Variants in MYO1B observed in about 807,000 individuals in gnomAD.
The protein encoded by MYO1B is unconventional myosin-Ib.
In MYO1B, 72 loss-of-function variants were observed where a neutral mutation model predicts 159.7. The observed-to-expected ratio is 0.45, with a 90% confidence interval of 0.37 to 0.55. MYO1B has a LOEUF of 0.55. Ranked by LOEUF, MYO1B falls within the 20% of genes least tolerant of loss-of-function variation. The pLI is 0.00. For synonymous variants in MYO1B, 468 were observed against 473.8 expected (o/e 0.99, Z 0.16); for missense variants, 1,062 against 1,364.8 (o/e 0.78, Z 3.50).
chr2:191,370,263 C>A lies in MYO1B; in HGVS notation c.1156C>A (p.Leu386Met), dbSNP rs371984172. The A allele has an allele frequency of 1.2e-5, 20 of 1,613,244 alleles. No homozygotes were observed. Among genetic ancestry groups the A allele is most frequent in the Non-Finnish European group, 1.7e-5 (20 of 1,179,618 alleles). Residue 386 changes from leucine to methionine, a missense_variant, in exon 13 of 31, where the codon CTG becomes ATG. Coordinates refer to ENST00000392318, the MANE Select transcript of MYO1B (RefSeq NM_001130158.3). ...TKVRKKVMGV[L>M]DIYGFEIFED... ...AGTGAGAAAGAAGGTCATGGGTGTT[C>A]TGGACATTTATGGCTTTGAGATTTT...
intron 1 of MYO1B, among the ~76,000 whole-genome samples, chr2:191,272,708 T>G (rs1196853501): frequency 6.6e-6 from 1 of 152,206 alleles, no homozygotes; most frequent in African/African-American, 2.4e-5. Flanking sequence ...ACCCATACTC[T>G]GGCATCTTGA....
intron 4 of MYO1B, among the ~76,000 whole-genome samples, chr2:191,335,620 T>A (rs940733480): frequency 5.9e-5 from 9 of 152,222 alleles, no homozygotes; most frequent in African/African-American, 1.9e-4. Context: ...TTAAAAATTT[T>A]GATTTAGTAA....
At chr2:191,346,670 G>A (rs771409788) in intron 6 of MYO1B, among the ~76,000 whole-genome samples, 3 of 152,144 alleles carry the variant, frequency 2.0e-5, no homozygotes, top group Non-Finnish European at 2.9e-5. Context: ...CTTATTCAGT[G>A]GGTCCAGAAA....
At chr2:191,277,351 C>T (rs1434864529) in intron 2 of MYO1B, among the ~76,000 whole-genome samples, 5 of 152,260 alleles carry the variant, frequency 3.3e-5, no homozygotes, top group African/African-American at 1.2e-4. Flanking sequence ...TGGATACCTT[C>T]ATAAGATTAA....
At chr2:191,268,265 G>A (rs977844795) in intron 1 of MYO1B, among the ~76,000 whole-genome samples, 1 of 152,204 alleles carries the variant, frequency 6.6e-6, no homozygotes, top group Non-Finnish European at 1.5e-5. Context: ...CCTCTTCCTG[G>A]CTTGCAGATG....
intron 2 of MYO1B, among the ~76,000 whole-genome samples, chr2:191,288,401 G>C (rs182305266): frequency 1.3e-5 from 2 of 152,100 alleles, no homozygotes; most frequent in Non-Finnish European, 2.9e-5. Flanking sequence ...GAGCTTTCTC[G>C]GACCTCTGCA....
At chr2:191,290,791 T>C (rs1474782212) in intron 2 of MYO1B, among the ~76,000 whole-genome samples, 1 of 152,216 alleles carries the variant, frequency 6.6e-6, no homozygotes, top group Non-Finnish European at 1.5e-5. Context: ...TTATTAGAAA[T>C]GTGGCTAAAA....
intron 23 of MYO1B, chr2:191,402,384 G>A (rs1163690686): frequency 1.6e-5 from 8 of 504,620 alleles, no homozygotes; most frequent in Admixed American, 1.0e-4. Context: ...GTGAGGGGTG[G>A]GAAATGATTA....
Position 191,312,910 on chromosome 2 carries a change from T to C in MYO1B, c.251+16684T>C, listed in dbSNP as rs62181186. Among the ~76,000 whole-genome samples the C allele has an allele frequency of 4.4e-3, 665 of 152,340 alleles. 4 individuals carry two copies. Among genetic ancestry groups the C allele is most frequent in the South Asian group, 0.013 (64 of 4,828 alleles). On this transcript the variant is annotated intron_variant, in intron 3 of 30. Transcript: ENST00000392318. The stretch of plus-strand genomic sequence containing the variant: ...TTAGCCTTCAGCTATTCTGTGCTGC[T>C]TACTGACAAAATTCCCACCTATTGG...
intron 2 of MYO1B, among the ~76,000 whole-genome samples, chr2:191,280,523 G>A (rs990096014): frequency 2.0e-5 from 3 of 152,196 alleles, no homozygotes; most frequent in Non-Finnish European, 4.4e-5. Context: ...AAGAGGCAGT[G>A]CTGCTTCTCT....
intron 6 of MYO1B, among the ~76,000 whole-genome samples, chr2:191,346,924 C>CG (rs1677953751): frequency 1.3e-5 from 2 of 152,328 alleles, no homozygotes; most frequent in Admixed American, 1.3e-4. Flanking sequence ...CTCCTCCAGG[C>CG]GGGCCATGCT....
In MYO1B at chr2:191,387,420, A is replaced by G; in HGVS notation, c.1751A>G (p.Asn584Ser). ...GCATCCGTGGCCACTCTGATGAAAAACCTACAGACCAAGAACCCAAACTAT... is the reference window on the plus strand; with the variant it reads ...GCATCCGTGGCCACTCTGATGAAAAGCCTACAGACCAAGAACCCAAACTAT... ...FKASVATLMK[N>S]LQTKNPNYIR... is the part of the protein sequence containing the mutation. Residue 584 changes from asparagine (N) to serine (S), a missense_variant, in exon 17 of 31, where the codon AAC (asparagine) becomes AGC (serine). By Grantham distance (46) the Asn-to-Ser change is conservative. Coordinates refer to ENST00000392318, the MANE Select transcript of MYO1B (RefSeq NM_001130158.3). The G allele has an allele frequency of 6.2e-7, 1 of 1,614,044 alleles. No individual in the cohort carries two copies.
intron 1 of MYO1B, among the ~76,000 whole-genome samples, chr2:191,246,698 C>T (rs760230154): frequency 2.2e-4 from 33 of 151,954 alleles, no homozygotes; most frequent in Non-Finnish European, 4.1e-4. Context: ...TCAATTTTGA[C>T]GTAAAATTGT....
At chr2:191,294,966 C>T (rs1172604334) in intron 2 of MYO1B, among the ~76,000 whole-genome samples, 4 of 151,968 alleles carry the variant, frequency 2.6e-5, no homozygotes, top group African/African-American at 9.7e-5. Context: ...CTTTTTGAAT[C>T]CCAGTGGTGG....
intron 30 of MYO1B, among the ~76,000 whole-genome samples, chr2:191,416,873 A>G (rs1038778993): frequency 5.9e-5 from 9 of 151,948 alleles, no homozygotes; most frequent in Non-Finnish European, 1.3e-4. Flanking sequence ...GACTGGTATA[A>G]ATTTGAAATT....
chr2:191,254,616 C>T (rs1686327411), intron 1 of MYO1B, among the ~76,000 whole-genome samples: 1 of 152,024 alleles, frequency 6.6e-6, no homozygotes, highest in South Asian at 2.1e-4. Context: ...AATGAGCCTC[C>T]CACCTCAGCT....
intron 17 of MYO1B, among the ~76,000 whole-genome samples, chr2:191,388,896 C>T (rs961117117): frequency 2.6e-5 from 4 of 152,122 alleles, no homozygotes; most frequent in Admixed American, 2.6e-4. Context: ...TTTATTTTTA[C>T]AGCTTTTCTA....
intron 24 of MYO1B, 110 bp from the exon 25 acceptor site, chr2:191,408,005 C>T: frequency 1.7e-6 from 1 of 588,442 alleles, no homozygotes; most frequent in Non-Finnish European, 3.0e-6. Context: ...CTAGAAAGGA[C>T]ACTTATAAAC....
intron 14 of MYO1B, among the ~76,000 whole-genome samples, chr2:191,381,815 A>G (rs115441087): frequency 0.049 from 7,469 of 152,272 alleles, 314 homozygotes; most frequent in African/African-American, 0.11. Context: ...GGGACTGATA[A>G]TGGTGGTGGT....
Sources: gnomAD v4.1 joint callset for allele counts (sites outside exome capture counted in the v4.1 genomes callset) on GRCh38, gnomAD v4.1.1 for gene constraint, MANE v1.5 for transcripts, NCBI Gene and HGNC (gene_info 2026-07-23, HGNC 2026-07-21) for gene names.